Variants in SRPK2 observed in about 807,000 individuals in gnomAD.
SRPK2 encodes SRSF protein kinase 2.
SRPK2 carries 21 observed loss-of-function variants against 90.8 expected under a neutral mutation model. That is an observed-to-expected ratio of 0.23 (90% CI 0.16 to 0.33). The LOEUF is 0.33. Among genes scored for constraint, SRPK2 ranks in the 10% least tolerant of loss-of-function variants. SRPK2 has a pLI of 1.00. For missense variants in SRPK2, 620 were observed against 869.0 expected, an observed-to-expected ratio of 0.71 and a Z score of 3.60; for synonymous variants, 288 against 311.1, an observed-to-expected ratio of 0.93 and a Z score of 0.78.
intron 2 of SRPK2, chr7:105,204,792 G>A: frequency 5.7e-6 from 3 of 528,060 alleles, no homozygotes; most frequent in Non-Finnish European, 1.1e-5. Flanking sequence ...TGCACCTGCT[G>A]TCACCCAGCA....
intron 2 of SRPK2, among the ~76,000 whole-genome samples, chr7:105,382,596 C>A (rs541527048): frequency 1.4e-5 from 2 of 139,496 alleles, no homozygotes; most frequent in South Asian, 5.0e-4. Flanking sequence ...TCTGCTCACA[C>A]AGGCAACAAC....
At chr7:105,294,385 C>G (rs1339732045) in intron 2 of SRPK2, among the ~76,000 whole-genome samples, 1 of 152,150 alleles carries the variant, frequency 6.6e-6, no homozygotes, top group African/African-American at 2.4e-5. Context: ...CCTAAACCGT[C>G]TCTTCAGAGG....
intron 2 of SRPK2, among the ~76,000 whole-genome samples, chr7:105,247,431 T>A (rs563759885): frequency 7.9e-4 from 120 of 152,092 alleles, no homozygotes; most frequent in Non-Finnish European, 1.4e-3. Context: ...AATGACGATG[T>A]CCTTTAAGTA....
At chr7:105,398,445 G>GCAA (rs1367016739) in intron 1 of SRPK2, among the ~76,000 whole-genome samples, 1 of 148,762 alleles carries the variant, frequency 6.7e-6, no homozygotes, top group Non-Finnish European at 1.5e-5. Flanking sequence ...GTGCAATGGC[G>GCAA]CAACCTCAGC....
chr7:105,396,766 G>GAA (rs796411851), intron 1 of SRPK2, among the ~76,000 whole-genome samples: 143 of 141,198 alleles, frequency 1.0e-3, no homozygotes, highest in Middle Eastern at 3.6e-3. Flanking sequence ...AGGAAAGAGA[G>GAA]AGAAAGAAAG....
At chr7:105,151,622 C>G (rs1369304025) in intron 7 of SRPK2, among the ~76,000 whole-genome samples, 1 of 152,098 alleles carries the variant, frequency 6.6e-6, no homozygotes, top group African/African-American at 2.4e-5. Context: ...GTAAAGCACA[C>G]TGAAGCCTCA....
chr7:105,167,851 T>G (rs1401372935), intron 5 of SRPK2, among the ~76,000 whole-genome samples, 157 bp downstream of exon 5: 1 of 152,204 alleles, frequency 6.6e-6, no homozygotes, highest in Non-Finnish European at 1.5e-5. Context: ...CCTCAAGTGA[T>G]CTGCTCGCTT....
At chr7:105,155,978 G>A (rs941287476) in intron 7 of SRPK2, among the ~76,000 whole-genome samples, 1 of 152,084 alleles carries the variant, frequency 6.6e-6, no homozygotes, top group African/African-American at 2.4e-5. Flanking sequence ...CATAAAAAAC[G>A]TAAGCTGGTA....
At chr7:105,391,229 G>A (rs978616888), upstream of SRPK2, among the ~76,000 whole-genome samples, 1 of 135,286 alleles carries the variant, frequency 7.4e-6, no homozygotes, top group African/African-American at 2.9e-5. Context: ...TATTGAGATG[G>A]AATTTCGCTC....
At chr7:105,392,931 G>T (rs1822219199), upstream of SRPK2, among the ~76,000 whole-genome samples, 1 of 151,104 alleles carries the variant, frequency 6.6e-6, no homozygotes, top group Non-Finnish European at 1.5e-5. Context: ...TCCTCCCTCA[G>T]CCTCCCAAGT....
rs139958955 is a variant in SRPK2 at position 105,306,642 on chromosome 7, C to T, written c.71+82006G>A. On this transcript the variant is annotated intron_variant, in intron 2 of 15. Transcript: ENST00000393651. ...CTGCTATCCTCTCGTTGGCAAGATG[C>T]CACCTTCAGTTGGAAAAGCATTTAA... 37 of 371,210 alleles carry T rather than the reference C, an allele frequency of 1.0e-4. 2 individuals carry two copies. Among genetic ancestry groups the T allele is most frequent in the African/African-American group, 6.8e-4 (32 of 46,838 alleles). 23.0% of individuals were successfully genotyped at this position (371,210 alleles called of 1,614,324 possible).
At chr7:105,374,419 T>C (rs1029993751) in intron 2 of SRPK2, among the ~76,000 whole-genome samples, 2 of 152,204 alleles carry the variant, frequency 1.3e-5, no homozygotes, top group African/African-American at 4.8e-5. Context: ...TGACCTAATA[T>C]TTCCATTTGC....
At chr7:105,386,609 C>A (rs1158025254) in intron 2 of SRPK2, among the ~76,000 whole-genome samples, 1 of 152,026 alleles carries the variant, frequency 6.6e-6, no homozygotes, top group African/African-American at 2.4e-5. Flanking sequence ...CCCAGCTACT[C>A]AGGAGGCTGA....
At chr7:105,127,741 C>T (rs904884951) in intron 13 of SRPK2, among the ~76,000 whole-genome samples, 1 of 105,704 alleles carries the variant, frequency 9.5e-6, no homozygotes, top group African/African-American at 3.4e-5. Flanking sequence ...CCCTTGCTCA[C>T]AAAAAAACCC....
At chr7:105,158,608 A>C (rs576911979) in intron 7 of SRPK2, among the ~76,000 whole-genome samples, 1 of 152,172 alleles carries the variant, frequency 6.6e-6, no homozygotes, top group Non-Finnish European at 1.5e-5. Context: ...CAGTCACTTA[A>C]GGCAACAGCA....
intron 2 of SRPK2, among the ~76,000 whole-genome samples, chr7:105,377,147 T>C (rs1156431078): frequency 6.6e-6 from 1 of 152,138 alleles, no homozygotes; most frequent in Non-Finnish European, 1.5e-5. Context: ...ACGCCCTTCT[T>C]GAAATGCTGT....
At chr7:105,351,652 A>C (rs1817195901) in intron 2 of SRPK2, among the ~76,000 whole-genome samples, 1 of 151,882 alleles carries the variant, frequency 6.6e-6, no homozygotes, top group South Asian at 2.1e-4. Flanking sequence ...AAAATACAAA[A>C]AATTAGCTGG....
At chr7:105,313,542 G>C (rs955581857) in intron 2 of SRPK2, among the ~76,000 whole-genome samples, 7 of 151,990 alleles carry the variant, frequency 4.6e-5, no homozygotes, top group Admixed American at 3.9e-4. Context: ...CTGAGCTCAG[G>C]AGTTTGAAAC....
chr7:105,235,318 T>C (rs1799988578), intron 2 of SRPK2, among the ~76,000 whole-genome samples: 1 of 152,268 alleles, frequency 6.6e-6, no homozygotes, highest in African/African-American at 2.4e-5. Context: ...AAGACTGTAT[T>C]TCCCATTGTC....
Sources: gnomAD v4.1 joint callset for allele counts (sites outside exome capture counted in the v4.1 genomes callset) on GRCh38, gnomAD v4.1.1 for gene constraint, MANE v1.5 for transcripts, NCBI Gene and HGNC (gene_info 2026-07-23, HGNC 2026-07-21) for gene names.